The following LRRC37B variants were observed in gnomAD, a reference collection of about 807,000 sequenced individuals.
LRRC37B encodes leucine-rich repeat-containing protein 37B.
LRRC37B carries 28 observed loss-of-function variants against 98.3 expected under a neutral mutation model. The observed-to-expected ratio is 0.28, with a 90% CI of 0.21 to 0.39. LRRC37B has a LOEUF of 0.39. LRRC37B is among the 10% of genes least tolerant of loss of function. The pLI is 1.00. For missense variants in LRRC37B, 938 were observed against 1,182.7 expected, an observed-to-expected ratio of 0.79 and a Z score of 3.03; for synonymous variants, 364 against 442.7, an observed-to-expected ratio of 0.82 and a Z score of 2.23.
intron 1 of LRRC37B, among the ~76,000 whole-genome samples, chr17:32,009,678 G>A (rs1180404824): frequency 6.6e-6 from 1 of 151,826 alleles, no homozygotes; most frequent in Non-Finnish European, 1.5e-5. Context: ...TTTCACCCAC[G>A]CTGGAGTGCA....
At chr17:32,012,846 G>T (rs1244555299) in intron 1 of LRRC37B, among the ~76,000 whole-genome samples, 1 of 152,122 alleles carries the variant, frequency 6.6e-6, no homozygotes, top group South Asian at 2.1e-4. Flanking sequence ...GTGAAACCCC[G>T]TCCCTACTAA....
At position 32,042,350 on chromosome 17, in the gene LRRC37B, C is replaced by G. The variant is rs1414472145; in HGVS notation, c.2205-3350C>G. ...GCTGCCACCACCAGCCACCTACACA[C>G]CCCCCCAGCACACCTCGCACGGGAC... is the stretch of plus-strand genomic sequence containing the variant. On this transcript the variant is annotated intron_variant, in intron 7 of 11. Transcript: ENST00000327564. 6.3e-5 allele frequency: 11 copies of G among 173,234 alleles called. 1 individual carries two copies. Among genetic ancestry groups the G allele is most frequent in the Non-Finnish European group, 8.6e-5 (7 of 81,374 alleles). 10.7% of individuals were successfully genotyped at this position (173,234 alleles called of 1,614,324 possible). A position where few individuals can be genotyped will look rare whatever the true frequency, so the allele number is the denominator to read the frequency against.
intron 7 of LRRC37B, chr17:32,041,596 C>T (rs1347091848): frequency 4.2e-6 from 2 of 475,050 alleles, no homozygotes; most frequent in Non-Finnish European, 8.4e-6. Flanking sequence ...TCCTGCCTTC[C>T]ATGGGCTCCT....
In LRRC37B at chr17:32,030,541, G is replaced by A. The variant is rs1489040442; in HGVS notation, c.1905-115G>A. On this transcript the variant is annotated intron_variant, in intron 3 of 11. Transcript: ENST00000327564. ...GGAAAGTTCAAATACAGGTCCAAAT[G>A]TTTAGAGTCGAGATGAAAAATGTGT... 5.8e-6 allele frequency: 5 copies of A among 865,646 alleles called. No individual in the cohort carries two copies. In the African/African-American group the frequency reaches 6.7e-5, roughly 12 times the overall value. 53.6% of individuals were successfully genotyped at this position (865,646 alleles called of 1,614,324 possible). A position where few individuals can be genotyped will look rare whatever the true frequency, so the allele number is the denominator to read the frequency against.
intron 2 of LRRC37B, among the ~76,000 whole-genome samples, chr17:32,027,317 T>A (rs555139292): frequency 1.1e-4 from 16 of 151,966 alleles, no homozygotes; most frequent in Non-Finnish European, 2.1e-4. Flanking sequence ...AGCAGTGTGC[T>A]TGTGTGTGTG....
intron 7 of LRRC37B, chr17:32,040,410 C>T (rs531686536): frequency 3.8e-4 from 196 of 520,066 alleles, no homozygotes; most frequent in Non-Finnish European, 1.6e-4. Context: ...ACGGTCCGGG[C>T]GGAGGTTCTG....
At chr17:32,033,298 CA>C (rs1396084377) in intron 5 of LRRC37B, among the ~76,000 whole-genome samples, 3 of 102,342 alleles carry the variant, frequency 2.9e-5, no homozygotes, top group Non-Finnish European at 5.3e-5. Flanking sequence ...AACTTTAACT[CA>C]AAAGAAGGAA....
chr17:32,022,360 A>T (rs781186068), exon 1 of LRRC37B: 1 of 1,613,990 alleles, frequency 6.2e-7, no homozygotes, highest in South Asian at 1.1e-5. Flanking sequence ...GACAAGGGTC[A>T]GGCTCAGCAT....
chr17:32,020,098 C>A (rs1910728124), upstream of LRRC37B, among the ~76,000 whole-genome samples: 1 of 152,194 alleles, frequency 6.6e-6, no homozygotes, highest in South Asian at 2.1e-4. Context: ...CCCACCTCGG[C>A]CTCCCAGAGT....
At chr17:32,029,795 T>C (rs888024227) in intron 3 of LRRC37B, among the ~76,000 whole-genome samples, 5 of 152,160 alleles carry the variant, frequency 3.3e-5, no homozygotes, top group African/African-American at 1.2e-4. Context: ...AGCAGTGCTG[T>C]AAGATGGATC....
chr17:32,049,851 G>C (rs1183390974), intron 10 of LRRC37B, 152 bp from the exon 14 acceptor site: 1 of 551,536 alleles, frequency 1.8e-6, no homozygotes, highest in African/African-American at 1.9e-5. Context: ...CTGGGTGACA[G>C]AGTGAGATCC....
upstream of LRRC37B, among the ~76,000 whole-genome samples, chr17:32,016,716 C>T (rs142652774): frequency 7.2e-4 from 110 of 152,244 alleles, no homozygotes; most frequent in East Asian, 0.019. Flanking sequence ...TTTTGCTGCA[C>T]CTCCACTTCA....
At chr17:32,051,308 C>T (rs1157878039) in intron 11 of LRRC37B, 4 of 151,962 alleles carry the variant, frequency 2.6e-5, no homozygotes, top group Non-Finnish European at 5.9e-5. Flanking sequence ...AGTGGAACCC[C>T]GTCTCTACTA....
chr17:32,040,562 G>A (rs1481446134), intron 7 of LRRC37B: 29 of 758,528 alleles, frequency 3.8e-5, no homozygotes, highest in South Asian at 3.5e-4. Context: ...TCAGCAAGGC[G>A]GTGACGGAAA....
intron 2 of LRRC37B, among the ~76,000 whole-genome samples, chr17:32,025,893 T>G (rs1910939977): frequency 6.6e-6 from 1 of 152,258 alleles, no homozygotes; most frequent in African/African-American, 2.4e-5. Context: ...TTTTCACTGT[T>G]GGGAATTTGC....
intron 1 of LRRC37B, among the ~76,000 whole-genome samples, chr17:32,023,087 A>G (rs1380230660): frequency 6.7e-6 from 1 of 149,420 alleles, no homozygotes; most frequent in Non-Finnish European, 1.5e-5. Flanking sequence ...TCATTGCTTA[A>G]CCGCTGCTCT....
intron 1 of LRRC37B, among the ~76,000 whole-genome samples, chr17:32,013,131 C>A (rs1003636692): frequency 6.6e-6 from 1 of 152,056 alleles, no homozygotes; most frequent in African/African-American, 2.4e-5. Context: ...TCTTTCCCTA[C>A]CCTTTTGCTT....
At chr17:32,025,000 TA>T (rs1910907337) in intron 2 of LRRC37B, among the ~76,000 whole-genome samples, 1 of 143,562 alleles carries the variant, frequency 7.0e-6, no homozygotes, top group Non-Finnish European at 1.6e-5. Flanking sequence ...ATCATACAAA[TA>T]ATACATGGTT....
upstream of LRRC37B, among the ~76,000 whole-genome samples, chr17:32,019,882 T>C (rs1461682986): frequency 1.3e-5 from 2 of 152,080 alleles, no homozygotes; most frequent in Non-Finnish European, 2.9e-5. Flanking sequence ...ACGGAGTTTC[T>C]CTCTTGTTGC....
Sources: allele counts gnomAD v4.1 joint callset (sites outside exome capture counted in the v4.1 genomes callset), GRCh38; gene constraint gnomAD v4.1.1; transcripts MANE v1.5; gene names NCBI Gene and HGNC (gene_info 2026-07-23, HGNC 2026-07-21).